MYT1L: variants seen among roughly 807,000 people sequenced by gnomAD.
MYT1L encodes the protein myelin transcription factor 1 like, also known as myelin transcription factor 1-like protein.
Under a neutral mutation model 126.7 loss-of-function variants are expected in MYT1L, and 12 were observed. That is an observed-to-expected ratio of 0.09 (90% CI 0.06 to 0.15). The LOEUF (loss-of-function observed/expected upper bound fraction) is 0.15, where lower values mean the gene tolerates loss of function less well. Among genes scored for constraint, MYT1L ranks in the 10% least tolerant of loss-of-function variants. MYT1L has a pLI of 1.00. For synonymous variants in MYT1L, 541 were observed against 604.2 expected, an observed-to-expected ratio of 0.90 and a Z score of 1.53; for missense variants, 979 against 1,585.2, an observed-to-expected ratio of 0.62 and a Z score of 6.49.
intron 2 of MYT1L, among the ~76,000 whole-genome samples, chr2:2,173,747 C>T (rs1295352799): frequency 6.6e-6 from 1 of 152,154 alleles, no homozygotes; most frequent in African/African-American, 2.4e-5. Context: ...TTCCAAGAGG[C>T]TTATTAAAGT....
intron 2 of MYT1L, among the ~76,000 whole-genome samples, chr2:2,212,552 C>T (rs544396831): frequency 2.2e-4 from 33 of 152,230 alleles, no homozygotes; most frequent in Admixed American, 3.9e-4. Flanking sequence ...CATAAATGCT[C>T]TGCTGTATAG....
chr2:2,323,743 A>G (rs1259310735), intron 1 of MYT1L, among the ~76,000 whole-genome samples: 2 of 152,168 alleles, frequency 1.3e-5, no homozygotes, highest in African/African-American at 2.4e-5. Context: ...TAATTTCCAC[A>G]TTTCCTAGTT....
intron 2 of MYT1L, among the ~76,000 whole-genome samples, chr2:2,243,225 C>G (rs917557019): frequency 1.3e-5 from 2 of 151,778 alleles, no homozygotes; most frequent in African/African-American, 4.8e-5. Context: ...GTTTCCTCAA[C>G]AACAAGTTAA....
At chr2:1,835,957 T>C (rs916260006) in intron 21 of MYT1L, among the ~76,000 whole-genome samples, 19 of 152,134 alleles carry the variant, frequency 1.2e-4, no homozygotes, top group African/African-American at 4.1e-4. Flanking sequence ...GCTGTGGCCC[T>C]GCAGGCTAGG....
chr2:2,146,726 C>T lies in MYT1L; in HGVS notation c.-304+26146G>A, dbSNP rs575099610. Among the ~76,000 whole-genome samples the T allele has an allele frequency of 5.3e-5, 8 of 152,304 alleles. No individual in the cohort carries two copies. In the East Asian group the frequency reaches 1.3e-3, roughly 26 times the overall value. On this transcript the variant is annotated intron_variant, in intron 3 of 24. Coordinates refer to ENST00000647738, the MANE Select transcript of MYT1L (RefSeq NM_001303052.2). ...TTTCCTATTGTTTCCATGCTTACTC[C>T]TAATTTTCTTGGTGCAATTTTCGTA...
At chr2:1,797,063 C>A (rs2033695562) in intron 23 of MYT1L, among the ~76,000 whole-genome samples, 3 of 152,126 alleles carry the variant, frequency 2.0e-5, no homozygotes, top group African/African-American at 7.2e-5. Context: ...TCTGGGGAAT[C>A]GTGGAGTCCA....
rs576640000 is a variant in MYT1L, at chr2:2,220,630, C to G, written c.-420-47642G>C. Among the ~76,000 whole-genome samples, 3 of 152,264 alleles carry G rather than the reference C, an allele frequency of 2.0e-5. No homozygotes were observed. The South Asian group carries it at 6.2e-4, about 32-fold the overall frequency. On this transcript the variant is annotated intron_variant, in intron 2 of 24. Transcript: ENST00000647738. Reference sequence around the variant, plus strand: ...CTTTACAGGGGCACATTTTCCCCCACAAAGGACACCTTTGCAGGGCCATTT... The same window carrying G: ...CTTTACAGGGGCACATTTTCCCCCAGAAAGGACACCTTTGCAGGGCCATTT...
intron 4 of MYT1L, among the ~76,000 whole-genome samples, chr2:2,042,645 GA>G (rs1030564050): frequency 2.0e-5 from 3 of 152,096 alleles, no homozygotes; most frequent in Admixed American, 6.5e-5. Flanking sequence ...AAGGGCCTCA[GA>G]ACCACACAAA....
intron 3 of MYT1L, among the ~76,000 whole-genome samples, chr2:2,104,886 CA>C (rs2078557484): frequency 6.6e-6 from 1 of 152,200 alleles, no homozygotes; most frequent in African/African-American, 2.4e-5. Context: ...GAATCATTAA[CA>C]GCTGTTACTC....
Position 2,228,220 on chromosome 2 carries a change from G to T in MYT1L, c.-420-55232C>A, listed in dbSNP as rs991061686. On this transcript the variant is annotated intron_variant, in intron 2 of 24. Coordinates refer to ENST00000647738, the MANE Select transcript of MYT1L (RefSeq NM_001303052.2). This position sits in a 1 kb window ranked among gnomAD's most constrained non-coding sequence, Gnocchi z 5.9. ...ATTCTGTAATATACATTTTGTATCA[G>T]GTTTGAATATCTGATAAAGTCATTT... Among the ~76,000 whole-genome samples, 3 of 152,096 alleles carry T rather than the reference G, an allele frequency of 2.0e-5. No individual in the cohort carries two copies. The highest frequency in any genetic ancestry group is 4.4e-5 in the Non-Finnish European group (3 of 68,024).
intron 4 of MYT1L, among the ~76,000 whole-genome samples, chr2:2,005,384 CCTG>C (rs2063155433): frequency 6.8e-6 from 1 of 146,756 alleles, no homozygotes; most frequent in Non-Finnish European, 1.5e-5. Context: ...TTCTTTCCTG[CCTG>C]CTTTCTTTCC....
rs770226450 is a variant in MYT1L, at chr2:1,910,216, G to A, written c.1817+24C>T. On this transcript the variant is annotated intron_variant, in intron 13 of 24. Transcript: ENST00000647738. The surrounding 1 kb of genome is among the most constrained non-coding windows in gnomAD (Gnocchi z 4.8). ...GGGGCAGACTATGGATAGAGCTCAC[G>A]GATGGTGCACTCCTGCTGGGTACCT... The A allele has an allele frequency of 7.5e-6, 12 of 1,601,768 alleles. No individual in the cohort carries two copies. The highest frequency in any genetic ancestry group is 1.6e-4 in the Middle Eastern group (1 of 6,068).
intron 3 of MYT1L, among the ~76,000 whole-genome samples, chr2:2,119,093 C>T (rs544305756): frequency 6.6e-6 from 1 of 152,356 alleles, no homozygotes; most frequent in East Asian, 1.9e-4. Context: ...TGCATTTACA[C>T]TGAAACCTTA....
chr2:2,142,705 GAGA>G (rs2084194503), intron 3 of MYT1L, among the ~76,000 whole-genome samples: 1 of 151,690 alleles, frequency 6.6e-6, no homozygotes, highest in African/African-American at 2.4e-5. Flanking sequence ...TGTTTTTTTT[GAGA>G]AGGAGTCTTG....
chr2:2,014,149 CATT>C (rs1021752680), intron 4 of MYT1L, among the ~76,000 whole-genome samples: 9 of 150,608 alleles, frequency 6.0e-5, no homozygotes, highest in Admixed American at 1.3e-4. Context: ...AAGTGCATCT[CATT>C]ATTATTTCAT....
intron 8 of MYT1L, among the ~76,000 whole-genome samples, chr2:1,949,819 G>A (rs2057579073): frequency 6.6e-6 from 1 of 152,186 alleles, no homozygotes; most frequent in Non-Finnish European, 1.5e-5. Flanking sequence ...TGATTGACCA[G>A]TCGGCTCAGA....
chr2:2,244,186 G>A (rs777513083), intron 2 of MYT1L, among the ~76,000 whole-genome samples: 7 of 152,110 alleles, frequency 4.6e-5, no homozygotes, highest in Non-Finnish European at 1.0e-4. Flanking sequence ...TCACAATCTG[G>A]GAAAATGCTG....
chr2:2,164,315 A>G (rs556113068), intron 3 of MYT1L, among the ~76,000 whole-genome samples: 5 of 151,540 alleles, frequency 3.3e-5, no homozygotes, highest in African/African-American at 1.2e-4. Flanking sequence ...TTACTTTTTT[A>G]GGTCTTTTAA....
At chr2:2,019,569 G>C (rs1014708933) in intron 4 of MYT1L, among the ~76,000 whole-genome samples, 1 of 152,170 alleles carries the variant, frequency 6.6e-6, no homozygotes, top group Non-Finnish European at 1.5e-5. Flanking sequence ...TTCTCAGTGT[G>C]GGGGGTTCAG....
Sources: gnomAD v4.1 joint callset for allele counts (sites outside exome capture counted in the v4.1 genomes callset) on GRCh38, gnomAD v4.1.1 for gene constraint, Gnocchi (gnomAD v3.1) non-coding constraint, MANE v1.5 for transcripts, NCBI Gene and HGNC (gene_info 2026-07-23, HGNC 2026-07-21) for gene names.